CHODL: variants seen among roughly 807,000 people sequenced by gnomAD.
The protein encoded by CHODL is transmembrane protein MT75.
In CHODL, 29 loss-of-function variants were observed where a neutral mutation model predicts 34.5. That is an observed-to-expected ratio of 0.84 (90% CI 0.63 to 1.15). The LOEUF (loss-of-function observed/expected upper bound fraction) is 1.15, where lower values mean the gene tolerates loss of function less well. CHODL is among the 50% of genes most tolerant of loss of function. The probability of loss-of-function intolerance (pLI) is 0.00; values close to 1 mark genes in which losing one functional copy is unlikely to be tolerated. For synonymous variants in CHODL, 125 were observed against 116.1 expected (o/e 1.08, Z -0.49); for missense variants, 332 against 332.5 (o/e 1.00, Z 0.01).
At chr21:17,967,305 T>G (rs2063579972) in intron 1 of CHODL, among the ~76,000 whole-genome samples, 1 of 152,210 alleles carries the variant, frequency 6.6e-6, no homozygotes, top group African/African-American at 2.4e-5. Context: ...TATGCTACAC[T>G]TGTTGATGAC....
intron 2 of CHODL, among the ~76,000 whole-genome samples, chr21:18,125,626 C>T (rs1835251252): frequency 6.6e-6 from 1 of 151,348 alleles, no homozygotes; most frequent in South Asian, 2.1e-4. Context: ...GATGGAGTCT[C>T]CCTCTGTCAC....
chr21:18,248,021 T>C (rs2074164382), intron 1 of CHODL, among the ~76,000 whole-genome samples: 2 of 151,558 alleles, frequency 1.3e-5, no homozygotes, highest in East Asian at 1.9e-4. Context: ...TTTTTTTTTT[T>C]CCTTTTTTCT....
At chr21:18,103,360 T>C (rs1351329732) in intron 2 of CHODL, among the ~76,000 whole-genome samples, 2 of 152,186 alleles carry the variant, frequency 1.3e-5, no homozygotes, top group African/African-American at 4.8e-5. Context: ...GGCCTTGATA[T>C]TAAAACAATC....
intron 2 of CHODL, among the ~76,000 whole-genome samples, chr21:18,148,538 C>CT (rs1568910948): frequency 2.0e-5 from 3 of 152,076 alleles, no homozygotes; most frequent in South Asian, 2.1e-4. Flanking sequence ...ACACAATATT[C>CT]TTTTTTTAGA....
At chr21:18,127,672 G>GTTTTT (rs71318127) in intron 2 of CHODL, among the ~76,000 whole-genome samples, 1,225 of 70,026 alleles carry the variant, frequency 0.017, 144 homozygotes, top group Middle Eastern at 0.048. Context: ...CGTTGCCATT[G>GTTTTT]TTTTTTTTTT....
chr21:17,996,994 A>G (rs1053398075), intron 1 of CHODL, among the ~76,000 whole-genome samples: 1 of 152,216 alleles, frequency 6.6e-6, no homozygotes, highest in African/African-American at 2.4e-5. Flanking sequence ...GTAGAGAAAC[A>G]TACATTTTAT....
At chr21:17,980,047 G>A (rs996254053) in intron 1 of CHODL, among the ~76,000 whole-genome samples, 12 of 150,036 alleles carry the variant, frequency 8.0e-5, no homozygotes, top group African/African-American at 2.9e-4. Flanking sequence ...GTTGTTTTGG[G>A]AATTGTCCCC....
intron 2 of CHODL, among the ~76,000 whole-genome samples, chr21:18,071,440 C>T (rs9977022): frequency 0.054 from 8,271 of 152,020 alleles, 753 homozygotes; most frequent in African/African-American, 0.19. Context: ...TCACCGCACC[C>T]GGCCAGCTAC....
intron 2 of CHODL, among the ~76,000 whole-genome samples, chr21:18,099,723 A>T (rs576482974): frequency 6.6e-6 from 1 of 152,224 alleles, no homozygotes; most frequent in East Asian, 1.9e-4. Flanking sequence ...TTCAATAAAC[A>T]TATGTATATT....
chr21:18,205,252 G>A (rs1304215968), intron 2 of CHODL, among the ~76,000 whole-genome samples: 1 of 152,120 alleles, frequency 6.6e-6, no homozygotes, highest in East Asian at 1.9e-4. Context: ...TTATGATGAG[G>A]TATGTTCTTT....
At chr21:18,257,976 G>C (rs2074337108) in intron 3 of CHODL, among the ~76,000 whole-genome samples, 1 of 152,058 alleles carries the variant, frequency 6.6e-6, no homozygotes, top group East Asian at 1.9e-4. Flanking sequence ...TCAGTGTTTG[G>C]AAGTGTCATT....
chr21:18,123,282 T>C (rs896512882), intron 2 of CHODL, among the ~76,000 whole-genome samples: 1 of 152,196 alleles, frequency 6.6e-6, no homozygotes, highest in Non-Finnish European at 1.5e-5. Context: ...GGAATGATCA[T>C]TTGGCTTAAC....
rs1429596953 is a variant in CHODL, at chr21:17,977,397, C to T, written c.-144-50475C>T. Among the ~76,000 whole-genome samples, 62 of 144,546 alleles carry T rather than the reference C, an allele frequency of 4.3e-4. 1 individual carries two copies. The highest frequency in any genetic ancestry group is 2.7e-3 in the Admixed American group (39 of 14,188). The allele number at this position is 144,546 out of a possible 152,430, so 94.8% of individuals were successfully genotyped here. ...TTTTTTTTTGAGATGGAGTCTCTCTCGCTCTGTCACCAGGCTGGAGTGCAG... is the reference window on the plus strand; with the variant it reads ...TTTTTTTTTGAGATGGAGTCTCTCTTGCTCTGTCACCAGGCTGGAGTGCAG... On this transcript the variant is annotated intron_variant, in intron 1 of 6. Transcript: ENST00000400127.
In CHODL at chr21:18,223,827, G is replaced by T. The variant is rs1217869239; in HGVS notation, c.-44-32682G>T. On this transcript the variant is annotated intron_variant, in intron 2 of 6. Transcript: ENST00000400127. The stretch of plus-strand genomic sequence containing the variant: ...CTCGAACCAACGTTGACTAATACAA[G>T]AAGGCAGGGAATGATCTCCTCCAAT... 6.9e-4 allele frequency among the ~76,000 whole-genome samples: 105 copies of T among 152,262 alleles called. No homozygotes were observed. The Middle Eastern group carries it at 0.024, about 35-fold the overall frequency.
At chr21:18,142,694 C>G (rs972080963) in intron 2 of CHODL, among the ~76,000 whole-genome samples, 1 of 152,116 alleles carries the variant, frequency 6.6e-6, no homozygotes, top group Non-Finnish European at 1.5e-5. Flanking sequence ...ATTTTCAAAT[C>G]TGCAGTTCCC....
At chr21:18,126,016 T>C (rs2065539428) in intron 2 of CHODL, among the ~76,000 whole-genome samples, 1 of 152,190 alleles carries the variant, frequency 6.6e-6, no homozygotes. Context: ...TGTTGTCTTA[T>C]TTTTAAAAAA....
chr21:17,975,753 C>T (rs1352372536), intron 1 of CHODL, among the ~76,000 whole-genome samples: 1 of 152,078 alleles, frequency 6.6e-6, no homozygotes, highest in Non-Finnish European at 1.5e-5. Context: ...CCTTCCATGC[C>T]CATCCTCATG....
chr21:18,144,485 T>C (rs1601064146), intron 2 of CHODL, among the ~76,000 whole-genome samples: 2 of 152,162 alleles, frequency 1.3e-5, no homozygotes, highest in African/African-American at 4.8e-5. Flanking sequence ...GGTGTGCATG[T>C]CACTTGTGAT....
intron 1 of CHODL, among the ~76,000 whole-genome samples, chr21:17,990,332 G>A (rs938931571): frequency 2.0e-5 from 3 of 152,020 alleles, no homozygotes; most frequent in Non-Finnish European, 4.4e-5. Flanking sequence ...TAGCTACAAT[G>A]TTTGGGAAAA....
Sources: allele counts gnomAD v4.1 joint callset (sites outside exome capture counted in the v4.1 genomes callset), GRCh38; gene constraint gnomAD v4.1.1; transcripts MANE v1.5; gene names NCBI Gene and HGNC (gene_info 2026-07-23, HGNC 2026-07-21).